Variants in DPP6 observed in about 807,000 individuals in gnomAD.
The protein encoded by DPP6 is dipeptidyl peptidase like 6, also known as A-type potassium channel modulatory protein DPP6.
A neutral mutation model predicts 122.6 loss-of-function variants in DPP6; 69 were observed. That is an observed-to-expected ratio of 0.56 (90% CI 0.46 to 0.69). The LOEUF (loss-of-function observed/expected upper bound fraction) is 0.69, where lower values mean the gene tolerates loss of function less well. Ranked by LOEUF, DPP6 falls within the 30% of genes least tolerant of loss-of-function variation. The probability of loss-of-function intolerance (pLI) is 0.00; values close to 1 mark genes in which losing one functional copy is unlikely to be tolerated. For synonymous variants in DPP6, 418 were observed against 433.1 expected (o/e 0.97, Z 0.43); for missense variants, 928 against 1,116.9 (o/e 0.83, Z 2.41).
At chr7:154,417,454 G>A (rs1018235805) in intron 1 of DPP6, among the ~76,000 whole-genome samples, 1 of 152,146 alleles carries the variant, frequency 6.6e-6, no homozygotes, top group Non-Finnish European at 1.5e-5. Flanking sequence ...TGTAGCTCAG[G>A]CCATTCCCGT....
chr7:154,052,646 A>C lies in DPP6; in HGVS notation c.-175A>C. On this transcript the variant is annotated 5_prime_UTR_variant, in exon 1 of 26. Coordinates refer to ENST00000377770, the MANE Select transcript of DPP6 (RefSeq NM_130797.4). This position sits in a 1 kb window ranked among gnomAD's most constrained non-coding sequence, Gnocchi z 4.8. ...GCAGAGTCGCCAGCGGAGACTCGCG[A>C]GTGGCGCGCGGGAGGAGCGGCCGCC... is the stretch of plus-strand genomic sequence containing the variant. 1.6e-6 allele frequency: 2 copies of C among 1,260,306 alleles called. No homozygotes were observed. Among genetic ancestry groups the C allele is most frequent in the South Asian group, 3.4e-5 (2 of 58,568 alleles). The allele number at this position is 1,260,306 out of a possible 1,614,324, so 78.1% of individuals were successfully genotyped here. A position where few individuals can be genotyped will look rare whatever the true frequency, so the allele number is the denominator to read the frequency against.
At chr7:154,231,757 A>G (rs2150852006) in intron 1 of DPP6, among the ~76,000 whole-genome samples, 1 of 152,256 alleles carries the variant, frequency 6.6e-6, no homozygotes, top group South Asian at 2.1e-4. Context: ...CCTTTCAGTG[A>G]CTGATTACAG....
rs532282037 is a variant in DPP6 at position 154,419,777 on chromosome 7, C to T, written c.244-26437C>T. On this transcript the variant is annotated intron_variant, in intron 1 of 25. Coordinates refer to ENST00000377770, the MANE Select transcript of DPP6 (RefSeq NM_130797.4). ...GTTCTATTTTTAGTTTTTTGAGGAA[C>T]CTCTATACTCTTTTTCTCATAACAG... 2.6e-5 allele frequency among the ~76,000 whole-genome samples: 4 copies of T among 152,146 alleles called. No individual in the cohort carries two copies. The South Asian group carries it at 6.2e-4, about 24-fold the overall frequency.
intron 1 of DPP6, among the ~76,000 whole-genome samples, chr7:154,163,321 G>T (rs397839729): frequency 4.6e-5 from 7 of 152,318 alleles, no homozygotes; most frequent in African/African-American, 1.4e-4. Flanking sequence ...CTGGACACCT[G>T]GAATCTGTGC....
intron 1 of DPP6, among the ~76,000 whole-genome samples, chr7:154,230,206 G>A (rs1195186310): frequency 1.3e-5 from 2 of 152,050 alleles, no homozygotes; most frequent in East Asian, 1.9e-4. Context: ...TGGTATGCAC[G>A]AAGCACATGG....
At chr7:153,960,923 C>T (rs1041359503) in intron 1 of DPP6, among the ~76,000 whole-genome samples, 15 of 152,122 alleles carry the variant, frequency 9.9e-5, no homozygotes, top group African/African-American at 3.1e-4. Flanking sequence ...GGACTGTTCT[C>T]CAACCTTCCT....
chr7:154,132,704 C>T (rs1453496371), intron 1 of DPP6, among the ~76,000 whole-genome samples: 1 of 152,030 alleles, frequency 6.6e-6, no homozygotes, highest in Non-Finnish European at 1.5e-5. Flanking sequence ...GGATAACATC[C>T]CTATTCCTTA....
intron 1 of DPP6, among the ~76,000 whole-genome samples, chr7:154,415,582 C>G (rs1289037207): frequency 6.6e-6 from 1 of 151,680 alleles, no homozygotes; most frequent in Admixed American, 6.6e-5. Context: ...CCTGTGGGTC[C>G]CTGAGCTATC....
chr7:154,694,598 G>A (rs976370558), intron 7 of DPP6, among the ~76,000 whole-genome samples: 4 of 149,640 alleles, frequency 2.7e-5, no homozygotes, highest in African/African-American at 1.0e-4. Context: ...GGCAACAAGA[G>A]TGAGACTCCA....
intron 10 of DPP6, among the ~76,000 whole-genome samples, chr7:154,773,882 CCT>C (rs1693573500): frequency 6.6e-6 from 1 of 152,160 alleles, no homozygotes; most frequent in Non-Finnish European, 1.5e-5. Context: ...TGACTCTGGA[CCT>C]CTCTGAATGA....
intron 3 of DPP6, among the ~76,000 whole-genome samples, chr7:154,477,463 C>T (rs1194079006): frequency 6.6e-6 from 1 of 151,824 alleles, no homozygotes; most frequent in African/African-American, 2.4e-5. Context: ...TGTATTCATA[C>T]CTATAAGGTA....
At chr7:153,898,519 T>C (rs1034855782) in intron 1 of DPP6, among the ~76,000 whole-genome samples, 2 of 152,198 alleles carry the variant, frequency 1.3e-5, no homozygotes, top group Non-Finnish European at 2.9e-5. Context: ...GATCACTGTT[T>C]GAGGTGATGA....
At chr7:154,490,551 T>G (rs1455058687) in intron 3 of DPP6, among the ~76,000 whole-genome samples, 3 of 152,248 alleles carry the variant, frequency 2.0e-5, no homozygotes, top group African/African-American at 7.2e-5. Context: ...ATTTACTTAT[T>G]TTTGCTGTTA....
In DPP6 at chr7:154,601,514, T is replaced by G; in HGVS notation, c.627+34598T>G. Among the ~76,000 whole-genome samples, 2 of 121,156 alleles carry G rather than the reference T, an allele frequency of 1.7e-5. 1 individual carries two copies. Among genetic ancestry groups the G allele is most frequent in the East Asian group, 7.1e-4 (2 of 2,824 alleles). The allele number at this position is 121,156 out of a possible 152,430, so 79.5% of individuals were successfully genotyped here. On this transcript the variant is annotated intron_variant, in intron 5 of 25. Coordinates refer to ENST00000377770, the MANE Select transcript of DPP6 (RefSeq NM_130797.4). ...ATTCTGTGTTCTTCAGTCCATTTGT[T>G]TGATAATAAACCATTGCAGCTTTCT...
At chr7:154,530,928 T>C (rs953696902) in intron 3 of DPP6, among the ~76,000 whole-genome samples, 2 of 152,154 alleles carry the variant, frequency 1.3e-5, no homozygotes, top group Middle Eastern at 6.8e-3. Flanking sequence ...TTCTCACTTA[T>C]AAGTGGGAAG....
intron 1 of DPP6, among the ~76,000 whole-genome samples, chr7:154,438,432 T>C (rs929367248): frequency 9.6e-5 from 11 of 115,076 alleles, no homozygotes; most frequent in African/African-American, 3.4e-4. Flanking sequence ...ATAGCACCAC[T>C]GCACTCCAGC....
chr7:154,357,285 T>C (rs1171146924), intron 1 of DPP6, among the ~76,000 whole-genome samples: 1 of 151,662 alleles, frequency 6.6e-6, no homozygotes, highest in East Asian at 1.9e-4. Flanking sequence ...CTTTTTTTTT[T>C]TTTTTTGCAA....
At chr7:154,779,117 A>ACCTCCAAAACCT (rs201458845) in intron 10 of DPP6, among the ~76,000 whole-genome samples, 1 of 1,766 alleles carries the variant, frequency 5.7e-4, no homozygotes, top group African/African-American at 1.4e-3. Context: ...CCCCACCATC[A>ACCTCCAAAACCT]CCACCACTAT....
intron 1 of DPP6, among the ~76,000 whole-genome samples, chr7:153,934,522 C>T (rs1329916380): frequency 1.3e-5 from 2 of 152,136 alleles, no homozygotes; most frequent in Non-Finnish European, 2.9e-5. Context: ...TCTGGAAGCT[C>T]ATTACCCTAA....
Sources: allele counts gnomAD v4.1 joint callset (sites outside exome capture counted in the v4.1 genomes callset), GRCh38; gene constraint gnomAD v4.1.1; non-coding constraint Gnocchi (gnomAD v3.1); transcripts MANE v1.5; gene names NCBI Gene and HGNC (gene_info 2026-07-23, HGNC 2026-07-21).